Variants in DLGAP2 observed in about 807,000 individuals in gnomAD.
DLGAP2 encodes DLG associated protein 2, also known as disks large-associated protein 2.
In DLGAP2, 26 loss-of-function variants were observed where a neutral mutation model predicts 100.3. The observed-to-expected ratio is 0.26, with a 90% CI of 0.19 to 0.36. DLGAP2 has a LOEUF of 0.36. Ranked by LOEUF, DLGAP2 falls within the 10% of genes least tolerant of loss-of-function variation. The pLI is 1.00. For synonymous variants in DLGAP2, 886 were observed against 630.1 expected, an observed-to-expected ratio of 1.41 and a Z score of -6.08; for missense variants, 1,858 against 1,453.2, an observed-to-expected ratio of 1.28 and a Z score of -4.53.
chr8:879,023 A>T (rs6559197), intron 1 of DLGAP2, among the ~76,000 whole-genome samples: 1 of 151,664 alleles, frequency 6.6e-6, no homozygotes, highest in Non-Finnish European at 1.5e-5. Context: ...GAAGGAGCCT[A>T]CCAATATCCT....
At chr8:919,064 C>A (rs557953800) in intron 2 of DLGAP2, among the ~76,000 whole-genome samples, 2 of 152,214 alleles carry the variant, frequency 1.3e-5, no homozygotes, top group African/African-American at 4.8e-5. Flanking sequence ...TCTTGGCCTC[C>A]CAAAGTGCAT....
At chr8:1,044,748 G>T (rs1802470172) in intron 2 of DLGAP2, among the ~76,000 whole-genome samples, 1 of 152,196 alleles carries the variant, frequency 6.6e-6, no homozygotes, top group African/African-American at 2.4e-5. Context: ...CTGTGTCTGT[G>T]CCTGTGGCTG....
chr8:1,194,487 C>G (rs949963333), intron 2 of DLGAP2, among the ~76,000 whole-genome samples: 1 of 152,276 alleles, frequency 6.6e-6, no homozygotes, highest in Middle Eastern at 3.4e-3. Context: ...GTCCCACTTT[C>G]CAGGTCATCC....
chr8:1,234,776 C>T (rs896820476), intron 2 of DLGAP2, among the ~76,000 whole-genome samples: 3 of 152,216 alleles, frequency 2.0e-5, no homozygotes, highest in Non-Finnish European at 4.4e-5. Context: ...CTGCCTCTGC[C>T]TTGCGCAACT....
At chr8:822,898 G>A (rs1405840698) in intron 1 of DLGAP2, among the ~76,000 whole-genome samples, 1 of 152,208 alleles carries the variant, frequency 6.6e-6, no homozygotes, top group Non-Finnish European at 1.5e-5. Flanking sequence ...GAGCAGATTG[G>A]AGAGGAGGGT....
At chr8:1,663,167 G>T (rs530470972) in intron 8 of DLGAP2, among the ~76,000 whole-genome samples, 21 of 150,424 alleles carry the variant, frequency 1.4e-4, no homozygotes, top group African/African-American at 5.1e-4. Context: ...ATGTGTGCCT[G>T]TGTGTACACG....
intron 3 of DLGAP2, among the ~76,000 whole-genome samples, chr8:1,449,752 G>C (rs1192401872): frequency 2.0e-5 from 3 of 152,250 alleles, no homozygotes; most frequent in African/African-American, 7.2e-5. Context: ...GGATGCGAAT[G>C]GGAGAGGCAC....
chr8:932,846 A>T (rs1798989806), intron 2 of DLGAP2, among the ~76,000 whole-genome samples: 1 of 152,276 alleles, frequency 6.6e-6, no homozygotes, highest in South Asian at 2.1e-4. Flanking sequence ...AGATGAAGAA[A>T]TGTTGATAAC....
intron 2 of DLGAP2, among the ~76,000 whole-genome samples, chr8:1,226,162 A>G (rs776113654): frequency 6.6e-6 from 1 of 152,196 alleles, no homozygotes; most frequent in African/African-American, 2.4e-5. Context: ...TTCTGTTATA[A>G]AGATGCATGC....
rs188894931 is a variant in DLGAP2, at chr8:1,079,261, G to C, written c.73+171295G>C. Among the ~76,000 whole-genome samples, 130 of 152,004 alleles carry C rather than the reference G, an allele frequency of 8.6e-4. 1 individual carries two copies. Among genetic ancestry groups the C allele is most frequent in the African/African-American group, 3.0e-3 (124 of 41,448 alleles). ...AATTGGATTGTTTTTCTTATTGTTGGGTTTTAAGAGTTATTCATATATTTT... is the reference window on the plus strand; with the variant it reads ...AATTGGATTGTTTTTCTTATTGTTGCGTTTTAAGAGTTATTCATATATTTT... On this transcript the variant is annotated intron_variant, in intron 2 of 14. Transcript: ENST00000637795.
At chr8:1,106,357 C>A (rs1804769259) in intron 2 of DLGAP2, among the ~76,000 whole-genome samples, 1 of 149,872 alleles carries the variant, frequency 6.7e-6, no homozygotes, top group Non-Finnish European at 1.5e-5. Context: ...TTGAGGGGAG[C>A]CATTCTAGGA....
chr8:1,242,984 A>G (rs1002310967), intron 2 of DLGAP2, among the ~76,000 whole-genome samples: 1 of 151,976 alleles, frequency 6.6e-6, no homozygotes, highest in Non-Finnish European at 1.5e-5. Flanking sequence ...CTCAAATATC[A>G]CCCCAAGCAT....
chr8:893,727 T>C (rs1013630422), intron 1 of DLGAP2, among the ~76,000 whole-genome samples: 6 of 152,228 alleles, frequency 3.9e-5, no homozygotes, highest in Admixed American at 1.3e-4. Flanking sequence ...ACCGTCGTTC[T>C]TTTGGAAAAT....
chr8:1,210,155 C>G (rs796755452), intron 2 of DLGAP2, among the ~76,000 whole-genome samples: 3 of 152,102 alleles, frequency 2.0e-5, no homozygotes, highest in Non-Finnish European at 4.4e-5. Context: ...CGTCACCCCC[C>G]AGGTTCCAGG....
chr8:1,460,861 G>A (rs1798451638), intron 3 of DLGAP2, among the ~76,000 whole-genome samples: 1 of 152,172 alleles, frequency 6.6e-6, no homozygotes, highest in Non-Finnish European at 1.5e-5. Flanking sequence ...TGGCCAGTGG[G>A]TTTTATTCAG....
rs1440335643 is a variant in DLGAP2 at position 1,678,273 on chromosome 8, T to G, written c.2348T>G (p.Leu783Arg). The G allele has an allele frequency of 6.2e-7, 1 of 1,613,886 alleles. No individual in the cohort carries two copies. Among genetic ancestry groups the G allele is most frequent in the Non-Finnish European group, 8.5e-7 (1 of 1,179,852 alleles). The part of the protein sequence containing the change: ...VTAAVQADLE[L>R]EGFPGHITTE... Reference sequence around the variant, plus strand: ...GCCGCCGTCCAAGCTGACCTGGAGCTGGAGGGGTTCCCAGGCCACATCACC... The same window carrying G: ...GCCGCCGTCCAAGCTGACCTGGAGCGGGAGGGGTTCCCAGGCCACATCACC... The change falls in exon 12 of 15, where the codon CTG becomes CGG. Residue 783 changes from leucine to arginine, a missense_variant. Coordinates refer to ENST00000637795, the MANE Select transcript of DLGAP2 (RefSeq NM_001346810.2).
At chr8:1,269,106 C>G (rs776003826) in intron 3 of DLGAP2, among the ~76,000 whole-genome samples, 10 of 152,214 alleles carry the variant, frequency 6.6e-5, no homozygotes, top group Non-Finnish European at 1.5e-4. Flanking sequence ...TCCTAAGCAA[C>G]TGTACATTGG....
chr8:1,626,629 C>T (rs1052943284), intron 6 of DLGAP2, 111 bp from the exon 7 acceptor site: 1 of 1,397,226 alleles, frequency 7.2e-7, no homozygotes, highest in Non-Finnish European at 9.8e-7. Context: ...GTTCCCACCT[C>T]TGCCCTGTGG....
At chr8:1,197,322 C>T (rs1183624720) in intron 2 of DLGAP2, among the ~76,000 whole-genome samples, 3 of 152,142 alleles carry the variant, frequency 2.0e-5, no homozygotes. Flanking sequence ...CAGAATTCAC[C>T]ACGACACCCT....
Sources: gnomAD v4.1 joint callset for allele counts (sites outside exome capture counted in the v4.1 genomes callset) on GRCh38, gnomAD v4.1.1 for gene constraint, MANE v1.5 for transcripts, NCBI Gene and HGNC (gene_info 2026-07-23, HGNC 2026-07-21) for gene names.